Variants in SCGN observed in about 807,000 individuals in gnomAD.
SCGN encodes secretagogin, EF-hand calcium binding protein.
Under a neutral mutation model 39.7 loss-of-function variants are expected in SCGN, and 30 were observed. The ratio of observed to expected loss-of-function variants is 0.76; its 90% CI spans 0.57 to 1.03. The LOEUF is 1.03. Ranked by LOEUF, SCGN falls within the 50% of genes least tolerant of loss-of-function variation. The pLI, the probability that SCGN is intolerant of heterozygous loss-of-function variation, is 0.00. For synonymous variants in SCGN, 106 were observed against 114.1 expected, an observed-to-expected ratio of 0.93 and a Z score of 0.45; for missense variants, 353 against 349.4, an observed-to-expected ratio of 1.01 and a Z score of -0.08.
chr6:25,653,397 A>T lies in SCGN; in HGVS notation c.98A>T (p.Glu33Val). 1 of 1,611,460 alleles carries T rather than the reference A, an allele frequency of 6.2e-7. No individual in the cohort carries two copies. Among genetic ancestry groups the T allele is most frequent in the Non-Finnish European group, 8.5e-7 (1 of 1,177,868 alleles). The change falls in exon 2 of 11, where the codon GAA becomes GTA. Residue 33 changes from glutamate (E) to valine (V), a missense_variant. By Grantham distance (121) the Glu-to-Val change is moderately radical. Coordinates refer to ENST00000377961, the MANE Select transcript of SCGN (RefSeq NM_006998.4). Reference protein sequence around the residue: ...RFDADEKGYIEEKELDAFFLH... With the variant: ...RFDADEKGYIVEKELDAFFLH... Reference sequence around the variant, plus strand: ...TCACATTTAGAAAAAGGTTACATAGAAGAGAAGGAACTCGATGCTTTCTTT... The same window carrying T: ...TCACATTTAGAAAAAGGTTACATAGTAGAGAAGGAACTCGATGCTTTCTTT...
At chr6:25,667,643 T>A (rs1760444482) in intron 4 of SCGN, among the ~76,000 whole-genome samples, 1 of 152,214 alleles carries the variant, frequency 6.6e-6, no homozygotes, top group South Asian at 2.1e-4. Context: ...TTGTTCGCCA[T>A]TCCTTTTTGT....
intron 7 of SCGN, among the ~76,000 whole-genome samples, chr6:25,683,069 G>T (rs1243428987): frequency 6.6e-6 from 1 of 152,180 alleles, no homozygotes; most frequent in African/African-American, 2.4e-5. Context: ...GGCAGCCTGT[G>T]TGTCCTCCTT....
At chr6:25,683,433 G>C (rs1437804430) in intron 7 of SCGN, among the ~76,000 whole-genome samples, 2 of 152,192 alleles carry the variant, frequency 1.3e-5, no homozygotes, top group African/African-American at 2.4e-5. Context: ...GGTAGTGAGA[G>C]TTGAGGAGCC....
At chr6:25,682,492 C>T (rs1759649250) in intron 7 of SCGN, among the ~76,000 whole-genome samples, 1 of 152,156 alleles carries the variant, frequency 6.6e-6, no homozygotes, top group African/African-American at 2.4e-5. Flanking sequence ...GCAGAAGTGG[C>T]TCAGTGTCCA....
Position 25,689,176 on chromosome 6 carries a change from C to A in SCGN, c.532C>A (p.Leu178Met). 2 of 1,579,660 alleles carry A rather than the reference C, an allele frequency of 1.3e-6. No individual in the cohort carries two copies. The highest frequency in any genetic ancestry group is 1.7e-6 in the Non-Finnish European group (2 of 1,159,914). The change falls in exon 8 of 11, where the codon CTG becomes ATG. Residue 178 changes from leucine to methionine, a missense_variant. Leu to Met is a conservative substitution (Grantham distance 15, BLOSUM62 2). Coordinates refer to ENST00000377961, the MANE Select transcript of SCGN (RefSeq NM_006998.4). ...TTTTTTTTTTTTTCTATTTAGGATT[C>A]TGGCTCTTCAGGAAAACTTCCTTCT... is the stretch of plus-strand genomic sequence containing the variant. ...RLDLNDLARILALQENFLLQF... is the reference protein window; with the variant it reads ...RLDLNDLARIMALQENFLLQF...
intron 7 of SCGN, among the ~76,000 whole-genome samples, chr6:25,685,753 A>T (rs1759696247): frequency 6.6e-6 from 1 of 152,172 alleles, no homozygotes; most frequent in African/African-American, 2.4e-5. Flanking sequence ...TGTACCTTAA[A>T]GTTTACCCTT....
intron 3 of SCGN, 130 bp downstream of exon 3, chr6:25,661,774 T>TATATATATA: frequency 1.6e-6 from 1 of 612,090 alleles, no homozygotes; most frequent in Non-Finnish European, 2.8e-6. Flanking sequence ...AAATTAGAGA[T>TATATATATA]TTCTGAAAGG....
chr6:25,664,898 G>A (rs997527476), intron 3 of SCGN, 45 bp from the exon 4 acceptor site: 1 of 1,473,778 alleles, frequency 6.8e-7, no homozygotes, highest in Non-Finnish European at 9.5e-7. Flanking sequence ...TCTTGAAATG[G>A]ACACTGGCCA....
intron 7 of SCGN, among the ~76,000 whole-genome samples, chr6:25,687,392 C>T (rs557586392): frequency 1.2e-4 from 18 of 152,254 alleles, no homozygotes; most frequent in Admixed American, 3.3e-4. Flanking sequence ...GGTCTACAAA[C>T]TAAACCACTT....
chr6:25,701,114 G>A (rs908500996), intron 10 of SCGN, 93 bp from the exon 11 acceptor site: 1 of 1,401,764 alleles, frequency 7.1e-7, no homozygotes, highest in African/African-American at 1.5e-5. Flanking sequence ...CTTCAAGGCA[G>A]GACACCCTAA....
chr6:25,694,071 G>T (rs866129791), intron 10 of SCGN, among the ~76,000 whole-genome samples: 3 of 152,102 alleles, frequency 2.0e-5, no homozygotes, highest in Admixed American at 2.0e-4. Context: ...AAAAATACTA[G>T]CTATATCACA....
intron 6 of SCGN, chr6:25,678,729 A>C (rs1235578991): frequency 1.3e-5 from 2 of 152,186 alleles, no homozygotes; most frequent in Non-Finnish European, 2.9e-5. Context: ...GAACCAGGTC[A>C]TCCGGAGTGC....
At chr6:25,655,455 T>G (rs1760210531) in intron 2 of SCGN, among the ~76,000 whole-genome samples, 2 of 152,202 alleles carry the variant, frequency 1.3e-5, no homozygotes, top group Non-Finnish European at 2.9e-5. Context: ...TGGCTGTTTT[T>G]ATCATTGCCC....
At chr6:25,685,971 G>T (rs1759701021) in intron 7 of SCGN, among the ~76,000 whole-genome samples, 1 of 152,012 alleles carries the variant, frequency 6.6e-6, no homozygotes, top group African/African-American at 2.4e-5. Flanking sequence ...CCTATTTTGG[G>T]CATTTTATAT....
Position 25,701,213 on chromosome 6 carries a change from A to G in SCGN, c.709A>G (p.Ile237Val), listed in dbSNP as rs1256231474. 4.3e-6 allele frequency: 7 copies of G among 1,611,450 alleles called. No individual in the cohort carries two copies. In the African/African-American group the frequency reaches 8.0e-5, roughly 18 times the overall value. Residue 237 changes from isoleucine to valine, a missense_variant, in exon 11 of 11, where the codon ATC becomes GTC. Physicochemically the swap from Ile to Val is conservative, Grantham distance 29 (BLOSUM62 3). Transcript: ENST00000377961. Reference sequence around the variant, plus strand: ...TTACTTTTGTCGCCCTCAGCCCAGCATCAGCGGGGTGGACCTTGATAAGTT... The same window carrying G: ...TTACTTTTGTCGCCCTCAGCCCAGCGTCAGCGGGGTGGACCTTGATAAGTT... ...KDMMELVQPS[I>V]SGVDLDKFRE...
rs995894754 is a variant in SCGN at position 25,669,521 on chromosome 6, A to C, written c.347A>C (p.Lys116Thr). The C allele has an allele frequency of 2.5e-6, 4 of 1,613,558 alleles. No homozygotes were observed. Among genetic ancestry groups the C allele is most frequent in the South Asian group, 1.1e-5 (1 of 91,046 alleles). Residue 116 changes from lysine to threonine, a missense_variant, in exon 5 of 11, where the codon AAA (lysine) becomes ACA (threonine). Physicochemically the swap from Lys to Thr is moderately conservative, Grantham distance 78. Coordinates refer to ENST00000377961, the MANE Select transcript of SCGN (RefSeq NM_006998.4). ...SSVEFMQIWR[K>T]YDADSSGFIS... ...TTTTGTGTATTTCAGATTTGGCGCAAATATGACGCTGACAGCAGTGGCTTT... is the reference window on the plus strand; with the variant it reads ...TTTTGTGTATTTCAGATTTGGCGCACATATGACGCTGACAGCAGTGGCTTT...
intron 6 of SCGN, among the ~76,000 whole-genome samples, chr6:25,670,357 C>T (rs181612978): frequency 4.0e-4 from 61 of 152,306 alleles, no homozygotes; most frequent in Non-Finnish European, 4.4e-4. Flanking sequence ...GGCCAATAAC[C>T]TCAATGTTAA....
intron 6 of SCGN, among the ~76,000 whole-genome samples, chr6:25,672,048 C>G (rs116279571): frequency 1.3e-5 from 2 of 152,200 alleles, no homozygotes; most frequent in Admixed American, 6.5e-5. Context: ...CAGCTTCCCC[C>G]CTCACCAACT....
rs1760153804 is a variant in SCGN at position 25,652,571 on chromosome 6, C to T, written c.82+86C>T. The stretch of plus-strand genomic sequence containing the variant: ...GAAAGGACCTGGAGTTTCCCCTTTA[C>T]TGTAGGAAAAGTTATCGACCTGGGT... On this transcript the variant is annotated intron_variant, in intron 1 of 10. Transcript: ENST00000377961. The T allele has an allele frequency of 2.3e-6, 3 of 1,307,214 alleles. 1 individual carries two copies. The Admixed American group carries it at 5.5e-5, about 24-fold the overall frequency. The allele number at this position is 1,307,214 out of a possible 1,614,324, so 81.0% of individuals were successfully genotyped here.
Sources: gnomAD v4.1 joint callset for allele counts (sites outside exome capture counted in the v4.1 genomes callset) on GRCh38, gnomAD v4.1.1 for gene constraint, MANE v1.5 for transcripts, NCBI Gene and HGNC (gene_info 2026-07-23, HGNC 2026-07-21) for gene names.